Variants in PDIA6 observed in about 807,000 individuals in gnomAD.
PDIA6 encodes protein disulfide isomerase family A member 6, also known as protein disulfide-isomerase A6.
In PDIA6, 29 loss-of-function variants were observed where a neutral mutation model predicts 58.4. That is an observed-to-expected ratio of 0.50 (90% CI 0.37 to 0.68). The LOEUF (loss-of-function observed/expected upper bound fraction) is 0.68, where lower values mean the gene tolerates loss of function less well. PDIA6 is among the 30% of genes least tolerant of loss of function. The pLI is 0.00. For synonymous variants in PDIA6, 192 were observed against 202.6 expected, an observed-to-expected ratio of 0.95 and a Z score of 0.44; for missense variants, 480 against 551.0, an observed-to-expected ratio of 0.87 and a Z score of 1.29.
At chr2:10,833,555 G>C (rs374565534), upstream of PDIA6, among the ~76,000 whole-genome samples, 1 of 152,184 alleles carries the variant, frequency 6.6e-6, no homozygotes, top group Non-Finnish European at 1.5e-5. Flanking sequence ...AGGTAGAGGC[G>C]GCTGGGCCCT....
upstream of PDIA6, among the ~76,000 whole-genome samples, chr2:10,833,321 AGTT>A (rs1435383035): frequency 1.3e-5 from 2 of 151,918 alleles, no homozygotes; most frequent in African/African-American, 4.8e-5. Flanking sequence ...CGGCTCCCGC[AGTT>A]GTTAATCATC....
intron 8 of PDIA6, 149 bp downstream of exon 8, chr2:10,789,600 T>A (rs1665939854): frequency 1.6e-6 from 1 of 637,052 alleles, no homozygotes; most frequent in African/African-American, 1.8e-5. Flanking sequence ...AAGCAATTTA[T>A]CAGACTTTTT....
At chr2:10,816,300 G>T (rs963818315), upstream of PDIA6, among the ~76,000 whole-genome samples, 1 of 151,390 alleles carries the variant, frequency 6.6e-6, no homozygotes, top group Non-Finnish European at 1.5e-5. Flanking sequence ...GGAGAGGCTG[G>T]TCTCGAACTC....
chr2:10,810,436 C>G, intron 1 of PDIA6: 5 of 1,400,102 alleles, frequency 3.6e-6, no homozygotes, highest in Non-Finnish European at 4.6e-6. Context: ...GTCACCAGAA[C>G]AGACCAGGGT....
chr2:10,792,026 G>T, intron 5 of PDIA6, 101 bp from the exon 6 acceptor site: 2 of 1,279,562 alleles, frequency 1.6e-6, no homozygotes, highest in South Asian at 1.4e-5. Flanking sequence ...AAGTTTTAGG[G>T]TTTTTCTTTA....
Position 10,802,636 on chromosome 2 carries a change from C to T in PDIA6, c.24G>A (p.Leu8=), listed in dbSNP as rs1277716303. ...CTGCCAGAAAGAAGGTACAGCTCAC[C>T]AGACCTGAAGATAAAAACAAAAGTG... is the stretch of plus-strand genomic sequence containing the variant. The part of the protein sequence containing the change: MALLVLG[L]VSCTFFLAVN... Residue 8 remains leucine, a synonymous_variant, in exon 2 of 13, where the codon CTG becomes CTA. Coordinates refer to ENST00000272227, the MANE Select transcript of PDIA6 (RefSeq NM_005742.4). 1 of 1,448,702 alleles carries T rather than the reference C, an allele frequency of 6.9e-7. No homozygotes were observed. The highest frequency in any genetic ancestry group is 9.1e-7 in the Non-Finnish European group (1 of 1,100,180). 89.7% of individuals were successfully genotyped at this position (1,448,702 alleles called of 1,614,324 possible).
At chr2:10,803,001 T>C (rs1462274033) in intron 1 of PDIA6, among the ~76,000 whole-genome samples, 1 of 152,238 alleles carries the variant, frequency 6.6e-6, no homozygotes, top group Non-Finnish European at 1.5e-5. Flanking sequence ...GGGAGGTCAC[T>C]TCTGCCTGTG....
At chr2:10,793,623 C>CA (rs372869878) in intron 4 of PDIA6, among the ~76,000 whole-genome samples, 15 of 152,312 alleles carry the variant, frequency 9.8e-5, no homozygotes, top group African/African-American at 2.4e-4. Flanking sequence ...CTCAGCCTCT[C>CA]AAAGTGCTGG....
At position 10,787,340 on chromosome 2, in the gene PDIA6, C is replaced by T. The variant is rs1450377366; in HGVS notation, c.1098G>A (p.Lys366=). The T allele has an allele frequency of 2.5e-6, 4 of 1,614,202 alleles. No individual in the cohort carries two copies. In the South Asian group the frequency reaches 3.3e-5, roughly 13 times the overall value. ...YPAMAAINAR[K]MKFALLKGSF... is the part of the protein sequence containing the mutation. ...AGCCTTTTAGCAGAGCAAATTTCAT[C>T]TTGCGTGCATTGATGGCGGCCATGG... The change falls in exon 11 of 13, where the codon AAG becomes AAA. Residue 366 remains lysine (K), a synonymous_variant. Transcript: ENST00000272227.
chr2:10,835,165 C>A (rs1478419490), upstream of PDIA6, among the ~76,000 whole-genome samples: 1 of 152,174 alleles, frequency 6.6e-6, no homozygotes, highest in Non-Finnish European at 1.5e-5. Flanking sequence ...TGTACTGTGG[C>A]CGCTGCTCGG....
intron 2 of PDIA6, among the ~76,000 whole-genome samples, chr2:10,802,123 C>A (rs1475662524): frequency 6.6e-6 from 1 of 152,206 alleles, no homozygotes; most frequent in Non-Finnish European, 1.5e-5. Context: ...TTTTACCCCA[C>A]AAGGGTTCTT....
At chr2:10,803,542 T>C (rs987260948) in intron 1 of PDIA6, among the ~76,000 whole-genome samples, 2 of 152,206 alleles carry the variant, frequency 1.3e-5, no homozygotes, top group African/African-American at 4.8e-5. Context: ...AACAACCTTA[T>C]AAAGACAGGA....
At position 10,788,972 on chromosome 2, in the gene PDIA6, C is replaced by G; in HGVS notation, c.850G>C (p.Glu284Gln). ...TCACACGTCCTCTTGGCAATGTCCT[C>G]GTTGATAATCTGTGGGACCCAAAAG... The part of the protein sequence containing the change: ...PPPELLEIIN[E>Q]DIAKRTCEEH... The change falls in exon 9 of 13, where the codon GAG (glutamate) becomes CAG (glutamine). Residue 284 changes from glutamate to glutamine, a missense_variant. By Grantham distance (29) the Glu-to-Gln change is conservative. Coordinates refer to ENST00000272227, the MANE Select transcript of PDIA6 (RefSeq NM_005742.4). The G allele has an allele frequency of 6.2e-7, 1 of 1,613,678 alleles. No individual in the cohort carries two copies. Among genetic ancestry groups the G allele is most frequent in the Non-Finnish European group, 8.5e-7 (1 of 1,179,550 alleles).
chr2:10,802,361 C>T (rs1666548452), intron 2 of PDIA6, 138 bp downstream of exon 2: 1 of 476,020 alleles, frequency 2.1e-6, no homozygotes, highest in Admixed American at 4.2e-5. Flanking sequence ...TTTGCATTTC[C>T]CATTTCCCTC....
intron 2 of PDIA6, among the ~76,000 whole-genome samples, chr2:10,818,293 G>A (rs923673889): frequency 1.3e-5 from 2 of 151,264 alleles, no homozygotes; most frequent in African/African-American, 4.9e-5. Context: ...CTCCCAAACA[G>A]CTGGACTACA....
At chr2:10,806,650 A>AAAGAAAGAAAGAAAGAAAGACAGAAAG (rs1553339954) in intron 1 of PDIA6, among the ~76,000 whole-genome samples, 2 of 62,924 alleles carry the variant, frequency 3.2e-5, no homozygotes, top group Non-Finnish European at 9.0e-5. Flanking sequence ...AAGAAAGAAA[A>AAAGAAAGAAAGAAAGAAAGACAGAAAG]ACGTTACAGT....
chr2:10,789,869 G>C lies in PDIA6; in HGVS notation c.720C>G (p.Ile240Met). Residue 240 changes from isoleucine (I) to methionine (M), a missense_variant, in exon 8 of 13, where the codon ATC becomes ATG. By Grantham distance (10) the Ile-to-Met change is conservative. Transcript: ENST00000272227. ...GAGACTCGCCTTTCTGAAATATCTTGATTGTAGGAAATCCTCTAATCTATT... is the reference window on the plus strand; with the variant it reads ...GAGACTCGCCTTTCTGAAATATCTTCATTGTAGGAAATCCTCTAATCTATT... ...SRYGIRGFPT[I>M]KIFQKGESPV... 1.2e-6 allele frequency: 2 copies of C among 1,613,262 alleles called. No individual in the cohort carries two copies. Among genetic ancestry groups the C allele is most frequent in the Non-Finnish European group, 1.7e-6 (2 of 1,179,484 alleles).
chr2:10,806,250 C>T (rs1298710227), intron 1 of PDIA6, among the ~76,000 whole-genome samples: 2 of 150,772 alleles, frequency 1.3e-5, no homozygotes, highest in African/African-American at 2.4e-5. Context: ...TGCCTATAGT[C>T]CTAGCTACTC....
intron 1 of PDIA6, among the ~76,000 whole-genome samples, chr2:10,804,010 G>A (rs191001534): frequency 2.7e-5 from 4 of 147,470 alleles, no homozygotes; most frequent in African/African-American, 7.4e-5. Context: ...CCGGGTTCAC[G>A]CCATTCTCCT....
Sources: gnomAD v4.1 joint callset for allele counts (sites outside exome capture counted in the v4.1 genomes callset) on GRCh38, gnomAD v4.1.1 for gene constraint, MANE v1.5 for transcripts, NCBI Gene and HGNC (gene_info 2026-07-23, HGNC 2026-07-21) for gene names.